Variants in KIF15 observed in about 807,000 individuals in gnomAD.
KIF15 encodes the protein kinesin-like protein KIF15.
KIF15 carries 140 observed loss-of-function variants against 190.6 expected under a neutral mutation model. The ratio of observed to expected loss-of-function variants is 0.73; its 90% CI spans 0.64 to 0.84. The LOEUF is 0.84. KIF15 is among the 40% of genes least tolerant of loss of function. KIF15 has a pLI of 0.00. For missense variants in KIF15, 1,372 were observed against 1,584.4 expected, an observed-to-expected ratio of 0.87 and a Z score of 2.28; for synonymous variants, 528 against 551.3, an observed-to-expected ratio of 0.96 and a Z score of 0.59.
intron 24 of KIF15, among the ~76,000 whole-genome samples, chr3:44,828,705 A>C (rs999683143): frequency 6.6e-6 from 1 of 152,248 alleles, no homozygotes; most frequent in Non-Finnish European, 1.5e-5. Flanking sequence ...TTCTATGTCT[A>C]GCTCATATAC....
intron 32 of KIF15, among the ~76,000 whole-genome samples, chr3:44,850,866 T>A (rs1225608600): frequency 6.6e-6 from 1 of 152,232 alleles, no homozygotes; most frequent in Non-Finnish European, 1.5e-5. Context: ...AAATTTTGTG[T>A]ATTATATCAT....
chr3:44,825,865 C>T (rs1479384799), intron 20 of KIF15, among the ~76,000 whole-genome samples, 174 bp from the exon 21 acceptor site: 2 of 152,164 alleles, frequency 1.3e-5, no homozygotes, highest in Admixed American at 6.5e-5. Flanking sequence ...GTGTGTCTCA[C>T]ATGTTTGTGC....
intron 1 of KIF15, among the ~76,000 whole-genome samples, chr3:44,770,500 G>A (rs536578060): frequency 3.9e-5 from 6 of 152,166 alleles, no homozygotes; most frequent in East Asian, 3.9e-4. Context: ...CTTACTCACC[G>A]CAGATTAGGA....
In KIF15 at chr3:44,801,963, C is replaced by T. The variant is rs746770419; in HGVS notation, c.1498C>T (p.Leu500=). The T allele has an allele frequency of 6.2e-7, 1 of 1,607,930 alleles. No individual in the cohort carries two copies. The highest frequency in any genetic ancestry group is 2.2e-5 in the East Asian group (1 of 44,754). Residue 500 remains leucine (L), a synonymous_variant, in exon 13 of 35, where the codon CTG becomes TTG. Transcript: ENST00000326047. The part of the protein sequence containing the change: ...LSELRNEIQT[L]REQIEHHPRV... ...AGAATTAAGGAATGAGATTCAAACT[C>T]TGCGAGAACAAGTGAGTATACGGCA...
chr3:44,798,086 T>A (rs1707082650), intron 10 of KIF15, 130 bp downstream of exon 10: 1 of 860,438 alleles, frequency 1.2e-6, no homozygotes, highest in Admixed American at 3.2e-5. Context: ...AAATTTCTAT[T>A]TTATCTTTCC....
intron 16 of KIF15, among the ~76,000 whole-genome samples, chr3:44,806,189 C>T (rs1707493788): frequency 6.6e-6 from 1 of 152,184 alleles, no homozygotes. Context: ...GGAAAGAATT[C>T]AGCATTTGCA....
chr3:44,764,701 C>T (rs541947769), intron 1 of KIF15, among the ~76,000 whole-genome samples: 14 of 150,728 alleles, frequency 9.3e-5, no homozygotes, highest in African/African-American at 2.9e-4. Flanking sequence ...TGCAGGGGTG[C>T]GATCTTGGCT....
intron 8 of KIF15, among the ~76,000 whole-genome samples, chr3:44,797,241 C>CTGG (rs1180098662): frequency 6.6e-6 from 1 of 152,128 alleles, no homozygotes; most frequent in Admixed American, 6.5e-5. Flanking sequence ...GTTGCCCAGG[C>CTGG]TGGTATCCAA....
intron 7 of KIF15, among the ~76,000 whole-genome samples, chr3:44,792,727 T>A (rs2125925296): frequency 6.6e-6 from 1 of 152,112 alleles, no homozygotes; most frequent in Non-Finnish European, 1.5e-5. Flanking sequence ...TTTATATTTT[T>A]AGCGGAGACG....
intron 8 of KIF15, 37 bp from the exon 9 acceptor site, chr3:44,797,514 G>T: frequency 6.2e-7 from 1 of 1,604,506 alleles, no homozygotes. Flanking sequence ...AGTAACCAAC[G>T]TACCTAAATT....
intron 22 of KIF15, 25 bp from the exon 23 acceptor site, chr3:44,827,434 G>C (rs1486713982): frequency 6.5e-7 from 1 of 1,540,268 alleles, no homozygotes; most frequent in African/African-American, 1.4e-5. Context: ...GAAGTCAGGG[G>C]TAAAAGATAA....
intron 6 of KIF15, chr3:44,862,207 C>T: frequency 5.1e-6 from 1 of 195,274 alleles, no homozygotes; most frequent in Non-Finnish European, 8.1e-6. Context: ...GCCCGCGGGG[C>T]TCTTGGGGTG....
At chr3:44,766,282 G>T (rs550770848) in intron 1 of KIF15, among the ~76,000 whole-genome samples, 2 of 152,286 alleles carry the variant, frequency 1.3e-5, no homozygotes, top group South Asian at 4.1e-4. Context: ...GATAATGGCA[G>T]TCTTGTCTCT....
chr3:44,854,944 C>T (rs913877080), downstream of KIF15, among the ~76,000 whole-genome samples: 1 of 152,174 alleles, frequency 6.6e-6, no homozygotes, highest in African/African-American at 2.4e-5. Context: ...AGTCATATCA[C>T]AGGTACCAGG....
rs528942431 is a variant in KIF15 at position 44,812,304 on chromosome 3, A to G, written c.2277+15A>G. ...AAATGCAGGAGGTGAGACCAAGAGC[A>G]CAGCCTCAGAAAATGTATGAAGTAC... On this transcript the variant is annotated intron_variant, in intron 18 of 34. Coordinates refer to ENST00000326047, the MANE Select transcript of KIF15 (RefSeq NM_020242.3). 1.6e-5 allele frequency: 25 copies of G among 1,574,750 alleles called. No individual in the cohort carries two copies. The highest frequency in any genetic ancestry group is 2.2e-5 in the Non-Finnish European group (25 of 1,145,744).
Position 44,805,973 on chromosome 3 carries a change from CT to C in KIF15, c.1959del (p.Glu654LysfsTer6), listed in dbSNP as rs1707478591. The C allele has an allele frequency of 6.2e-7, 1 of 1,613,872 alleles. No homozygotes were observed. Among genetic ancestry groups the C allele is most frequent in the Non-Finnish European group, 8.5e-7 (1 of 1,179,950 alleles). ...QEVSQLNKIHAETLKIITTPT... is the reference protein window; with the variant it reads ...QEVSQLNKIHXETLKIITTPT... ...GTTTCTCAGCTGAATAAAATTCATG[CT>C]GAAACACTTAAGGTAGGTCATCTGA... On this transcript the variant is annotated frameshift_variant, in exon 16 of 35. Transcript: ENST00000326047. LOFTEE classifies it high-confidence loss of function.
rs571542389 is a variant in KIF15 at position 44,839,664 on chromosome 3, C to T, written c.3319-691C>T. Among the ~76,000 whole-genome samples, 4 of 152,298 alleles carry T rather than the reference C, an allele frequency of 2.6e-5. No individual in the cohort carries two copies. In the East Asian group the frequency reaches 7.7e-4, roughly 29 times the overall value. On this transcript the variant is annotated intron_variant, in intron 27 of 34. Coordinates refer to ENST00000326047, the MANE Select transcript of KIF15 (RefSeq NM_020242.3). ...AAACTATACCCTTTGACCAACATCT[C>T]CCATTGCTGATTCATGTCTCCTTCC...
intron 21 of KIF15, 81 bp from the exon 22 acceptor site, chr3:44,826,294 T>C: frequency 6.4e-7 from 1 of 1,554,870 alleles, no homozygotes; most frequent in Non-Finnish European, 8.8e-7. Context: ...CCACAGTGCC[T>C]GCCACATAGA....
At chr3:44,855,319 A>G (rs1310657711), downstream of KIF15, among the ~76,000 whole-genome samples, 2 of 152,204 alleles carry the variant, frequency 1.3e-5, no homozygotes, top group Non-Finnish European at 2.9e-5. Context: ...TACAAAGTAC[A>G]TTGATCAGTT....
Sources: gnomAD v4.1 joint callset for allele counts (sites outside exome capture counted in the v4.1 genomes callset) on GRCh38, gnomAD v4.1.1 for gene constraint, MANE v1.5 for transcripts, NCBI Gene and HGNC (gene_info 2026-07-23, HGNC 2026-07-21) for gene names.